ARHGAP15: variants seen among roughly 807,000 people sequenced by gnomAD.
The protein encoded by ARHGAP15 is rho GTPase-activating protein 15.
In ARHGAP15, 51 loss-of-function variants were observed where a neutral mutation model predicts 63.7. That is an observed-to-expected ratio of 0.80 (90% CI 0.64 to 1.01). The LOEUF is 1.01. Ranked by LOEUF, ARHGAP15 falls within the 50% of genes least tolerant of loss-of-function variation. ARHGAP15 has a pLI of 0.00. For synonymous variants in ARHGAP15, 191 were observed against 193.8 expected, an observed-to-expected ratio of 0.99 and a Z score of 0.12; for missense variants, 560 against 564.6, an observed-to-expected ratio of 0.99 and a Z score of 0.08.
At chr2:143,605,180 G>A (rs965157628) in intron 11 of ARHGAP15, among the ~76,000 whole-genome samples, 6 of 152,060 alleles carry the variant, frequency 3.9e-5, no homozygotes, top group Non-Finnish European at 7.4e-5. Flanking sequence ...ATGAGCCACT[G>A]CACCCAGCCA....
intron 4 of ARHGAP15, among the ~76,000 whole-genome samples, chr2:143,224,921 A>G (rs1330841389): frequency 6.6e-6 from 1 of 152,234 alleles, no homozygotes; most frequent in African/African-American, 2.4e-5. Context: ...GGATACCATC[A>G]TTCTCAGCAA....
chr2:143,405,168 G>A (rs1226246657), intron 6 of ARHGAP15, among the ~76,000 whole-genome samples: 2 of 151,860 alleles, frequency 1.3e-5, no homozygotes, highest in African/African-American at 2.4e-5. Flanking sequence ...AATTTAATGT[G>A]TGATAGGAGA....
intron 6 of ARHGAP15, among the ~76,000 whole-genome samples, chr2:143,375,784 T>C (rs1686782872): frequency 6.6e-6 from 1 of 152,208 alleles, no homozygotes; most frequent in Non-Finnish European, 1.5e-5. Context: ...ACTATGGCTC[T>C]AAAGAGTTCA....
chr2:143,689,825 A>T (rs1162413097), intron 12 of ARHGAP15, among the ~76,000 whole-genome samples: 2 of 152,142 alleles, frequency 1.3e-5, no homozygotes, highest in Admixed American at 6.6e-5. Flanking sequence ...CACAATTCCT[A>T]TGGGGATATG....
chr2:143,149,106 G>A (rs919586184), intron 1 of ARHGAP15, among the ~76,000 whole-genome samples: 20 of 151,940 alleles, frequency 1.3e-4, no homozygotes, highest in African/African-American at 4.8e-4. Flanking sequence ...TGAATTTCTC[G>A]GAGAAATACT....
intron 9 of ARHGAP15, among the ~76,000 whole-genome samples, chr2:143,508,595 G>A (rs1693429081): frequency 6.6e-6 from 1 of 152,188 alleles, no homozygotes; most frequent in African/African-American, 2.4e-5. Flanking sequence ...CTATGCCGTT[G>A]TGATTCTGTG....
At chr2:143,204,729 A>G (rs1395648180) in intron 3 of ARHGAP15, among the ~76,000 whole-genome samples, 2 of 152,030 alleles carry the variant, frequency 1.3e-5, no homozygotes, top group Non-Finnish European at 2.9e-5. Flanking sequence ...CGACTTCCCC[A>G]GTCTCACCTC....
intron 10 of ARHGAP15, among the ~76,000 whole-genome samples, chr2:143,533,064 G>T (rs2105020117): frequency 6.6e-6 from 1 of 152,254 alleles, no homozygotes; most frequent in East Asian, 1.9e-4. Flanking sequence ...CTTGTCTAGA[G>T]TTTCTAACAC....
At chr2:143,359,851 G>A (rs536208497) in intron 6 of ARHGAP15, among the ~76,000 whole-genome samples, 5 of 152,102 alleles carry the variant, frequency 3.3e-5, no homozygotes, top group South Asian at 2.1e-4. Context: ...TCATGATTTC[G>A]GTAGGAAAAT....
chr2:143,168,563 T>A (rs1019085843), intron 2 of ARHGAP15, among the ~76,000 whole-genome samples: 1 of 152,020 alleles, frequency 6.6e-6, no homozygotes, highest in Non-Finnish European at 1.5e-5. Flanking sequence ...GTAACCATGG[T>A]TTTCTGTGGA....
intron 6 of ARHGAP15, among the ~76,000 whole-genome samples, chr2:143,404,869 AATT>A (rs1479254743): frequency 6.6e-6 from 1 of 151,994 alleles, no homozygotes; most frequent in Non-Finnish European, 1.5e-5. Flanking sequence ...AATTAATGAA[AATT>A]ATTATTACTT....
At chr2:143,721,080 A>AAAAAAAAC in intron 13 of ARHGAP15, among the ~76,000 whole-genome samples, 1 of 150,790 alleles carries the variant, frequency 6.6e-6, no homozygotes, top group Non-Finnish European at 1.5e-5. Flanking sequence ...AAAAAAAAAA[A>AAAAAAAAC]TGCAGATTCT....
chr2:143,385,374 CT>C (rs1687234967), intron 6 of ARHGAP15, among the ~76,000 whole-genome samples: 1 of 152,132 alleles, frequency 6.6e-6, no homozygotes, highest in Non-Finnish European at 1.5e-5. Context: ...GACCACTCAA[CT>C]TTTAGAGTGC....
At chr2:143,382,703 G>A (rs190633754) in intron 6 of ARHGAP15, among the ~76,000 whole-genome samples, 6 of 152,234 alleles carry the variant, frequency 3.9e-5, no homozygotes, top group Admixed American at 2.6e-4. Flanking sequence ...ACTTGCTTCC[G>A]AAAGAAATGT....
At chr2:143,502,993 G>T (rs1693138523) in intron 9 of ARHGAP15, among the ~76,000 whole-genome samples, 1 of 145,116 alleles carries the variant, frequency 6.9e-6, no homozygotes, top group African/African-American at 2.7e-5. Context: ...ATCGATCAGA[G>T]ATCTGCTAGA....
At chr2:143,479,640 A>G (rs920558403) in intron 8 of ARHGAP15, among the ~76,000 whole-genome samples, 1 of 152,170 alleles carries the variant, frequency 6.6e-6, no homozygotes, top group African/African-American at 2.4e-5. Context: ...CTCAAGTGAC[A>G]AAGTTTTACT....
chr2:143,329,969 G>A (rs1474667446), intron 6 of ARHGAP15, among the ~76,000 whole-genome samples: 3 of 145,994 alleles, frequency 2.1e-5, no homozygotes, highest in African/African-American at 2.6e-5. Context: ...GCACACAGCT[G>A]TAGTCCCAGC....
At chr2:143,184,316 T>C (rs995046040) in intron 2 of ARHGAP15, among the ~76,000 whole-genome samples, 2 of 152,186 alleles carry the variant, frequency 1.3e-5, no homozygotes, top group African/African-American at 4.8e-5. Flanking sequence ...CTGAAAGAAC[T>C]GATTTAGTGG....
chr2:143,475,142 T>G (rs1365268308), intron 8 of ARHGAP15, among the ~76,000 whole-genome samples: 1 of 152,232 alleles, frequency 6.6e-6, no homozygotes. Flanking sequence ...TTTTCTCTCC[T>G]TCTTTAGAAA....
Sources: gnomAD v4.1 joint callset for allele counts (sites outside exome capture counted in the v4.1 genomes callset) on GRCh38, gnomAD v4.1.1 for gene constraint, MANE v1.5 for transcripts, NCBI Gene and HGNC (gene_info 2026-07-23, HGNC 2026-07-21) for gene names.